FAM53B: variants seen among roughly 807,000 people sequenced by gnomAD.
The protein encoded by FAM53B is family with sequence similarity 53 member B.
FAM53B carries 12 observed loss-of-function variants against 32.7 expected under a neutral mutation model. That is an observed-to-expected ratio of 0.37 (90% CI 0.24 to 0.59). The LOEUF (loss-of-function observed/expected upper bound fraction) is 0.59. Among genes scored for constraint, FAM53B ranks in the 20% least tolerant of loss-of-function variants. FAM53B has a pLI of 0.72. For synonymous variants in FAM53B, 234 were observed against 228.7 expected (o/e 1.02, Z -0.21); for missense variants, 477 against 577.7 (o/e 0.83, Z 1.79).
In FAM53B at chr10:124,706,736, C is replaced by A; in HGVS notation, c.-23G>T. 1 of 1,613,990 alleles carries A rather than the reference C, an allele frequency of 6.2e-7. No homozygotes were observed. The highest frequency in any genetic ancestry group is 8.5e-7 in the Non-Finnish European group (1 of 1,179,962). On this transcript the variant is annotated 5_prime_UTR_variant, in exon 2 of 5. Coordinates refer to ENST00000337318, the MANE Select transcript of FAM53B (RefSeq NM_014661.4). Reference sequence around the variant, plus strand: ...CATGATAAGGGCCTCAGGCGCTGGGCTCCATCCCAGGGTGGGTATCAGCCA... The same window carrying A: ...CATGATAAGGGCCTCAGGCGCTGGGATCCATCCCAGGGTGGGTATCAGCCA...
Position 124,651,658 on chromosome 10 carries a change from AC to A in FAM53B, c.907-28055del, listed in dbSNP as rs1035111576. Reference sequence around the variant, plus strand: ...CTCCTCATTTCCTCCTCAGGGGAGCACTGTGGAGACTGTCAGCTGACTTCCG... The same window carrying A: ...CTCCTCATTTCCTCCTCAGGGGAGCATGTGGAGACTGTCAGCTGACTTCCG... On this transcript the variant is annotated intron_variant, in intron 4 of 4. Coordinates refer to ENST00000337318, the MANE Select transcript of FAM53B (RefSeq NM_014661.4). This position sits in a 1 kb window ranked among gnomAD's most constrained non-coding sequence, Gnocchi z 5.2. Among the ~76,000 whole-genome samples the A allele has an allele frequency of 4.0e-5, 6 of 151,496 alleles. No homozygotes were observed. Among genetic ancestry groups the A allele is most frequent in the African/African-American group, 1.2e-4 (5 of 41,168 alleles).
At chr10:124,669,057 C>T (rs1243512958) in intron 4 of FAM53B, among the ~76,000 whole-genome samples, 1 of 152,188 alleles carries the variant, frequency 6.6e-6, no homozygotes, top group Non-Finnish European at 1.5e-5. Flanking sequence ...TGGCTTGGAC[C>T]TCCTCCCCGC....
intron 1 of FAM53B, among the ~76,000 whole-genome samples, chr10:124,709,387 G>A (rs1352278128): frequency 7.9e-5 from 12 of 152,198 alleles, no homozygotes; most frequent in Non-Finnish European, 1.8e-4. Context: ...GCAGAGTCCC[G>A]ACAAGGGGCC....
At chr10:124,687,884 C>T (rs777381976) in intron 3 of FAM53B, among the ~76,000 whole-genome samples, 5 of 152,216 alleles carry the variant, frequency 3.3e-5, no homozygotes, top group Non-Finnish European at 7.3e-5. Flanking sequence ...CCCATCCAGA[C>T]CATCCAGCAC....
chr10:124,728,874 G>A (rs1476923350), intron 1 of FAM53B, among the ~76,000 whole-genome samples: 1 of 152,220 alleles, frequency 6.6e-6, no homozygotes, highest in Non-Finnish European at 1.5e-5. Flanking sequence ...ACAGCAACAT[G>A]TGCACAATTG....
intron 1 of FAM53B, among the ~76,000 whole-genome samples, chr10:124,742,151 G>A (rs992549998): frequency 1.3e-5 from 2 of 152,164 alleles, no homozygotes; most frequent in African/African-American, 4.8e-5. Flanking sequence ...AAAAGCGCCT[G>A]GAAGCTGGAT....
intron 3 of FAM53B, among the ~76,000 whole-genome samples, chr10:124,683,050 G>A (rs1419288046): frequency 6.6e-6 from 1 of 152,194 alleles, no homozygotes. Flanking sequence ...GTGTTCACTC[G>A]ATTTTTCACT....
chr10:124,738,967 C>T (rs1314962430), intron 1 of FAM53B, among the ~76,000 whole-genome samples: 2 of 151,352 alleles, frequency 1.3e-5, no homozygotes, highest in East Asian at 3.9e-4. Flanking sequence ...TGAAGCAAAA[C>T]ATCTCAGCCT....
intron 1 of FAM53B, among the ~76,000 whole-genome samples, chr10:124,724,018 G>A (rs1950086850): frequency 6.6e-6 from 1 of 152,164 alleles, no homozygotes; most frequent in South Asian, 2.1e-4. Flanking sequence ...AGGGACTGAG[G>A]GAAGAAGGCA....
chr10:124,729,247 C>T (rs541049362), intron 1 of FAM53B, among the ~76,000 whole-genome samples: 4 of 152,320 alleles, frequency 2.6e-5, no homozygotes, highest in African/African-American at 9.6e-5. Flanking sequence ...CTCACCCCTC[C>T]ACTGGCTGAA....
At chr10:124,724,877 G>C (rs1192372679) in intron 1 of FAM53B, among the ~76,000 whole-genome samples, 1 of 152,180 alleles carries the variant, frequency 6.6e-6, no homozygotes, top group African/African-American at 2.4e-5. Flanking sequence ...TGCTGGGCAC[G>C]CGCTTCCCAC....
chr10:124,643,435 C>T (rs995408874), intron 4 of FAM53B, among the ~76,000 whole-genome samples: 1 of 152,252 alleles, frequency 6.6e-6, no homozygotes, highest in African/African-American at 2.4e-5. Context: ...CTGGCTCTTT[C>T]AGCGTGGCTG....
At chr10:124,727,872 G>C (rs1289961245) in intron 1 of FAM53B, among the ~76,000 whole-genome samples, 1 of 152,168 alleles carries the variant, frequency 6.6e-6, no homozygotes, top group Non-Finnish European at 1.5e-5. Context: ...GACTTGTTAA[G>C]AGAAACTGAA....
Position 124,620,853 on chromosome 10 carries a change from G to T in FAM53B, c.*2389C>A, listed in dbSNP as rs971288236. The T allele has an allele frequency of 2.6e-5, 4 of 152,364 alleles. No homozygotes were observed. The highest frequency in any genetic ancestry group is 5.9e-5 in the Non-Finnish European group (4 of 68,144). 9.4% of individuals were successfully genotyped at this position (152,364 alleles called of 1,614,324 possible). On this transcript the variant is annotated 3_prime_UTR_variant, in exon 5 of 5. Transcript: ENST00000337318. ...GTGGTGGGCACAGGACAGGCAGGCG[G>T]GGTCTGAGGAGGCTGGGTCATTTCT...
chr10:124,709,458 G>T (rs184838978), intron 1 of FAM53B, among the ~76,000 whole-genome samples: 1 of 152,232 alleles, frequency 6.6e-6, no homozygotes, highest in African/African-American at 2.4e-5. Flanking sequence ...GTCAGCACAC[G>T]TGGCAGGCAT....
At position 124,682,279 on chromosome 10, in the gene FAM53B, T is replaced by C. The variant is rs539713848; in HGVS notation, c.234A>G (p.Leu78=). The C allele has an allele frequency of 1.9e-5, 31 of 1,614,072 alleles. No homozygotes were observed. The highest frequency in any genetic ancestry group is 2.5e-5 in the Non-Finnish European group (29 of 1,180,002). Residue 78 remains leucine (L), a synonymous_variant, in exon 4 of 5, where the codon CTA becomes CTG. Coordinates refer to ENST00000337318, the MANE Select transcript of FAM53B (RefSeq NM_014661.4). The surrounding 1 kb of genome is among the most constrained non-coding windows in gnomAD (Gnocchi z 5.2). ...AGGCGGTCACTGCCTCCCGGTGCCA[T>C]AGTGAGCTGTCCTTTTCAGGCAGGC... ...WECLPEKDSS[L]WHREAVTACA...
At chr10:124,712,123 C>T (rs546168845) in intron 1 of FAM53B, among the ~76,000 whole-genome samples, 2 of 152,102 alleles carry the variant, frequency 1.3e-5, no homozygotes, top group African/African-American at 4.8e-5. Context: ...GGGAGACTGA[C>T]GTCAGTGGAT....
At chr10:124,740,657 T>C (rs1950194513) in intron 1 of FAM53B, among the ~76,000 whole-genome samples, 2 of 152,200 alleles carry the variant, frequency 1.3e-5, no homozygotes, top group Non-Finnish European at 2.9e-5. Context: ...ACAAACAAAT[T>C]AATCAGAGAA....
At chr10:124,652,705 G>A (rs1026109800) in intron 4 of FAM53B, among the ~76,000 whole-genome samples, 1 of 152,324 alleles carries the variant, frequency 6.6e-6, no homozygotes, top group South Asian at 2.1e-4. Flanking sequence ...TTGTGGTGGA[G>A]GGCCTGAAGC....
Sources: gnomAD v4.1 joint callset for allele counts (sites outside exome capture counted in the v4.1 genomes callset) on GRCh38, gnomAD v4.1.1 for gene constraint, Gnocchi (gnomAD v3.1) non-coding constraint, MANE v1.5 for transcripts, NCBI Gene and HGNC (gene_info 2026-07-23, HGNC 2026-07-21) for gene names.